The following DMD variants were observed in gnomAD, a reference collection of about 807,000 sequenced individuals.
The protein encoded by DMD is mutant dystrophin.
DMD carries 63 observed loss-of-function variants against 330.1 expected under a neutral mutation model. The observed-to-expected ratio is 0.19, with a 90% CI of 0.16 to 0.24. The LOEUF (loss-of-function observed/expected upper bound fraction) is 0.24. Ranked by LOEUF, DMD falls within the 10% of genes least tolerant of loss-of-function variation. The pLI, the probability that DMD is intolerant of heterozygous loss-of-function variation, is 1.00. For synonymous variants in DMD, 1,223 were observed against 959.8 expected (o/e 1.27, Z -5.07); for missense variants, 3,344 against 2,684.1 (o/e 1.25, Z -5.43).
chrX:31,694,617 CATATATATATATATAT>C (rs34933227), intron 52 of DMD, among the ~76,000 whole-genome samples: 4 of 58,190 alleles, frequency 6.9e-5, no homozygotes, highest in Admixed American at 2.4e-4. Context: ...TGACAAACAG[CATATATATATATATAT>C]ATATATATAT....
At chrX:31,602,443 C>A (rs1212343669) in intron 55 of DMD, among the ~76,000 whole-genome samples, 1 of 109,477 alleles carries the variant, frequency 9.1e-6, no homozygotes, top group East Asian at 2.9e-4. Flanking sequence ...TATTTTCTTA[C>A]CCAGACCACA....
chrX:32,282,738 C>G (rs761131656), intron 43 of DMD, among the ~76,000 whole-genome samples: 9 of 111,909 alleles, frequency 8.0e-5, no homozygotes, highest in Admixed American at 4.8e-4. Context: ...GATGACTGAA[C>G]GAGAAATACG....
chrX:32,622,386 T>C (rs902327504), intron 11 of DMD, among the ~76,000 whole-genome samples: 1 of 112,125 alleles, frequency 8.9e-6, no homozygotes, highest in African/African-American at 3.2e-5. Flanking sequence ...ATATTTCTTT[T>C]CCTTACTACA....
chrX:33,245,251 C>A (rs2052647023), intron 1 of DMD, among the ~76,000 whole-genome samples: 1 of 101,919 alleles, frequency 9.8e-6, no homozygotes, highest in African/African-American at 3.6e-5. Flanking sequence ...GTTAAAGTAA[C>A]TGTTAATGGC....
chrX:33,289,430 T>A (rs922651486), intron 1 of DMD, among the ~76,000 whole-genome samples: 1 of 111,194 alleles, frequency 9.0e-6, no homozygotes, highest in African/African-American at 3.3e-5. Flanking sequence ...CTATTTACAT[T>A]CAATATATTT....
chrX:31,462,880 TAA>T (rs201708451), intron 59 of DMD, among the ~76,000 whole-genome samples: 12,169 of 111,647 alleles, frequency 0.11, 881 homozygotes, highest in African/African-American at 0.26. Flanking sequence ...TCTGTGTACA[TAA>T]AAGACAGAAG....
At chrX:31,488,310 A>T (rs1457590118) in intron 57 of DMD, among the ~76,000 whole-genome samples, 6 of 112,258 alleles carry the variant, frequency 5.3e-5, no homozygotes, top group African/African-American at 1.9e-4. Flanking sequence ...AAGATTTGGA[A>T]ATTACTTCTG....
At chrX:31,158,351 A>G (rs966916801) in intron 74 of DMD, among the ~76,000 whole-genome samples, 1 of 112,223 alleles carries the variant, frequency 8.9e-6, no homozygotes, top group Non-Finnish European at 1.9e-5. Context: ...GTCACAAAAG[A>G]CTTTATATTG....
At chrX:33,127,563 G>A (rs767630344) in intron 1 of DMD, among the ~76,000 whole-genome samples, 23 of 110,433 alleles carry the variant, frequency 2.1e-4, no homozygotes, top group East Asian at 1.7e-3. Flanking sequence ...TGTTATTTCC[G>A]TCTTCTTTGA....
intron 44 of DMD, among the ~76,000 whole-genome samples, chrX:32,025,446 A>G (rs1268289171): frequency 8.9e-6 from 1 of 111,865 alleles, no homozygotes; most frequent in African/African-American, 3.3e-5. Context: ...AGTCATGTGT[A>G]TCTAGTGGCT....
At position 31,774,077 on chromosome X, in the gene DMD, G is replaced by T; in HGVS notation, c.7425C>A (p.Phe2475Leu). 8.3e-7 allele frequency: 1 copy of T among 1,210,950 alleles called. No individual in the cohort carries two copies. The highest frequency in any genetic ancestry group is 1.1e-6 in the Non-Finnish European group (1 of 895,143). ...LMLEVPALAD[F>L]NRAWTELTDW... is the part of the protein sequence containing the mutation. ...CGGTAAGTTCTGTCCAAGCCCGGTTGAAATCTGCCAGAGCAGGTACCTCCA... is the reference window on the plus strand; with the variant it reads ...CGGTAAGTTCTGTCCAAGCCCGGTTTAAATCTGCCAGAGCAGGTACCTCCA... Residue 2475 changes from phenylalanine (F) to leucine (L), a missense_variant, in exon 51 of 79, where the codon TTC becomes TTA. Phe to Leu is a conservative substitution (Grantham distance 22). Coordinates refer to ENST00000357033, the MANE Select transcript of DMD (RefSeq NM_004006.3).
chrX:32,855,732 A>C (rs2081497064), intron 2 of DMD, among the ~76,000 whole-genome samples: 1 of 112,257 alleles, frequency 8.9e-6, no homozygotes, highest in East Asian at 2.8e-4. Flanking sequence ...TCATTGGGAT[A>C]AAATCTCCAA....
rs34255436 is a variant in DMD, at chrX:32,189,627, AT to A, written c.6438+27288del. ...ACTACGCAGCAGGCATACTTCTAGG[AT>A]TTTTTTTTTTTTCCTATATAACCAC... On this transcript the variant is annotated intron_variant, in intron 44 of 78. Transcript: ENST00000357033. 7.8e-3 allele frequency among the ~76,000 whole-genome samples: 816 copies of A among 104,799 alleles called. 2 individuals are homozygous for A. The highest frequency in any genetic ancestry group is 0.012 in the African/African-American group (341 of 29,155). 91.0% of individuals were successfully genotyped at this position (104,799 alleles called of 115,157 possible).
intron 26 of DMD, among the ~76,000 whole-genome samples, chrX:32,451,474 T>C (rs955902260): frequency 9.0e-6 from 1 of 111,071 alleles, no homozygotes; most frequent in Non-Finnish European, 1.9e-5. Flanking sequence ...TTTTACCATA[T>C]AGTGATTGCT....
intron 55 of DMD, among the ~76,000 whole-genome samples, chrX:31,564,526 CAT>C (rs1467827196): frequency 3.6e-5 from 4 of 111,793 alleles, no homozygotes; most frequent in Non-Finnish European, 7.5e-5. Flanking sequence ...TTCGACAGTG[CAT>C]AGAGGTAGGA....
intron 15 of DMD, among the ~76,000 whole-genome samples, chrX:32,571,668 T>C (rs1238886571): frequency 8.9e-6 from 1 of 112,180 alleles, no homozygotes; most frequent in Non-Finnish European, 1.9e-5. Flanking sequence ...AACTTGGATG[T>C]CTCAAAGACA....
intron 12 of DMD, among the ~76,000 whole-genome samples, chrX:32,600,220 T>C (rs764445892): frequency 8.9e-6 from 1 of 112,278 alleles, no homozygotes; most frequent in African/African-American, 3.2e-5. Context: ...TCAGTGTTTA[T>C]TCTAGATCTA....
intron 61 of DMD, 133 bp from the exon 62 acceptor site, chrX:31,323,791 G>T: frequency 1.7e-6 from 1 of 595,890 alleles, no homozygotes; most frequent in Non-Finnish European, 2.8e-6. Flanking sequence ...ATGAAGACAG[G>T]ATGGATTAAC....
At chrX:31,505,815 G>A (rs2070887108) in intron 56 of DMD, among the ~76,000 whole-genome samples, 1 of 110,319 alleles carries the variant, frequency 9.1e-6, no homozygotes. Flanking sequence ...TGTATTTTTG[G>A]TAGAGACGGG....
Sources: gnomAD v4.1 joint callset for allele counts (sites outside exome capture counted in the v4.1 genomes callset) on GRCh38, gnomAD v4.1.1 for gene constraint, MANE v1.5 for transcripts, NCBI Gene and HGNC (gene_info 2026-07-23, HGNC 2026-07-21) for gene names.